TSGA10: variants seen among roughly 807,000 people sequenced by gnomAD.
The protein encoded by TSGA10 is testis specific 10.
In TSGA10, 43 loss-of-function variants were observed where a neutral mutation model predicts 96.6. The observed-to-expected ratio is 0.44, with a 90% confidence interval of 0.35 to 0.57. The LOEUF (loss-of-function observed/expected upper bound fraction) is 0.57. TSGA10 is among the 20% of genes least tolerant of loss of function. The pLI is 0.01. For missense variants in TSGA10, 703 were observed against 834.4 expected (o/e 0.84, Z 1.94); for synonymous variants, 229 against 269.9 (o/e 0.85, Z 1.48).
At chr2:99,105,092 A>G (rs1169615275) in intron 9 of TSGA10, among the ~76,000 whole-genome samples, 3 of 152,202 alleles carry the variant, frequency 2.0e-5, no homozygotes, top group Non-Finnish European at 2.9e-5. Context: ...GAGAAAGTAG[A>G]TAAGATCCCT....
intron 1 of TSGA10, chr2:99,142,284 G>A (rs2093575097): frequency 6.6e-6 from 1 of 152,176 alleles, no homozygotes; most frequent in South Asian, 2.1e-4. Context: ...TTTTCCTGCA[G>A]ATGACATAGA....
At chr2:99,070,700 C>A (rs112528926) in intron 14 of TSGA10, among the ~76,000 whole-genome samples, 25 of 152,168 alleles carry the variant, frequency 1.6e-4, no homozygotes, top group African/African-American at 5.3e-4. Flanking sequence ...AAAGAGTACA[C>A]AAAGGCAAAC....
rs144539526 is a variant in TSGA10 at position 99,093,685 on chromosome 2, T to C, written c.611+10282A>G. Among the ~76,000 whole-genome samples the C allele has an allele frequency of 6.7e-3, 1,009 of 151,358 alleles. 13 individuals carry two copies. The highest frequency in any genetic ancestry group is 0.024 in the African/African-American group (974 of 41,330). On this transcript the variant is annotated intron_variant, in intron 10 of 20. Transcript: ENST00000393483. ...AGAAAAAAAAAACAACTTGGGAGTATACCTAACCAAGGAGGTGAAAGATCT... is the reference window on the plus strand; with the variant it reads ...AGAAAAAAAAAACAACTTGGGAGTACACCTAACCAAGGAGGTGAAAGATCT...
intron 1 of TSGA10, among the ~76,000 whole-genome samples, chr2:99,138,671 G>A (rs534077882): frequency 3.3e-5 from 5 of 152,286 alleles, no homozygotes; most frequent in Admixed American, 6.5e-5. Context: ...TTGTGGAAAC[G>A]TCATTATGGG....
intron 4 of TSGA10, among the ~76,000 whole-genome samples, chr2:99,116,474 A>G (rs913445451): frequency 1.3e-5 from 2 of 152,240 alleles, no homozygotes; most frequent in East Asian, 3.8e-4. Context: ...AAAGTCACAG[A>G]TATCTGAGAA....
intron 16 of TSGA10, among the ~76,000 whole-genome samples, chr2:99,056,098 G>A (rs968744434): frequency 2.0e-5 from 3 of 151,636 alleles, no homozygotes; most frequent in Non-Finnish European, 2.9e-5. Context: ...CCAGGTACTC[G>A]CGAGGCTGAG....
At chr2:99,024,818 T>C (rs892100872) in intron 17 of TSGA10, among the ~76,000 whole-genome samples, 3 of 152,218 alleles carry the variant, frequency 2.0e-5, no homozygotes, top group Non-Finnish European at 4.4e-5. Flanking sequence ...AAAGTTTCTA[T>C]TTCTAGTTTA....
chr2:99,126,259 A>C (rs2092816681), intron 2 of TSGA10: 1 of 152,338 alleles, frequency 6.6e-6, no homozygotes, highest in South Asian at 2.1e-4. Flanking sequence ...ATTTGCTTGG[A>C]GTGGATAGTT....
intron 1 of TSGA10, chr2:99,150,463 A>AC: frequency 8.9e-7 from 1 of 1,119,338 alleles, no homozygotes; most frequent in Non-Finnish European, 1.3e-6. Flanking sequence ...TTCACTTGTT[A>AC]CTTTTTTTTT....
chr2:99,151,982 G>T (rs1426604630), intron 1 of TSGA10, among the ~76,000 whole-genome samples: 2 of 152,132 alleles, frequency 1.3e-5, no homozygotes, highest in African/African-American at 4.8e-5. Context: ...AGGGAATATT[G>T]AGAGTGAAAA....
chr2:99,038,800 T>C (rs1036578364), intron 16 of TSGA10, among the ~76,000 whole-genome samples: 2 of 152,248 alleles, frequency 1.3e-5, no homozygotes, highest in South Asian at 4.1e-4. Context: ...TTCACAGATA[T>C]TTACAGAACA....
Position 99,021,905 on chromosome 2 carries a change from G to A in TSGA10, c.1615-1423C>T, listed in dbSNP as rs756023540. 3.3e-5 allele frequency among the ~76,000 whole-genome samples: 5 copies of A among 152,150 alleles called. 1 individual carries two copies. Among genetic ancestry groups the A allele is most frequent in the Admixed American group, 3.3e-4 (5 of 15,272 alleles). On this transcript the variant is annotated intron_variant, in intron 17 of 20. Coordinates refer to ENST00000393483, the MANE Select transcript of TSGA10 (RefSeq NM_025244.4). Reference sequence around the variant, plus strand: ...ACTTTGCTGGCAGGAGTAGAAAATGGACCGTGATTTTTTTGACAATAGCTT... The same window carrying A: ...ACTTTGCTGGCAGGAGTAGAAAATGAACCGTGATTTTTTTGACAATAGCTT...
At chr2:99,005,267 A>G (rs977747323) in intron 20 of TSGA10, among the ~76,000 whole-genome samples, 1 of 152,198 alleles carries the variant, frequency 6.6e-6, no homozygotes, top group Non-Finnish European at 1.5e-5. Context: ...CTCTTATTCA[A>G]CATTCTGTTG....
rs377353463 is a variant in TSGA10 at position 99,030,625 on chromosome 2, T to C, written c.1614+4605A>G. On this transcript the variant is annotated intron_variant, in intron 17 of 20. Coordinates refer to ENST00000393483, the MANE Select transcript of TSGA10 (RefSeq NM_025244.4). ...GTGTGCCACTGCACTCCAGCCTGGG[T>C]GACAGAGTGAGACCCAATCTCTAAA... Among the ~76,000 whole-genome samples the C allele has an allele frequency of 7.2e-5, 11 of 151,994 alleles. No homozygotes were observed. The East Asian group carries it at 9.7e-4, about 13-fold the overall frequency.
intron 15 of TSGA10, among the ~76,000 whole-genome samples, chr2:99,066,520 C>CA (rs912481945): frequency 5.3e-5 from 8 of 152,122 alleles, no homozygotes; most frequent in Admixed American, 2.6e-4. Context: ...TCCCTGATAA[C>CA]ACCTTGTATT....
intron 17 of TSGA10, among the ~76,000 whole-genome samples, chr2:99,023,886 C>T (rs2080280646): frequency 1.3e-5 from 2 of 152,100 alleles, no homozygotes; most frequent in South Asian, 4.1e-4. Context: ...CTTGCACTTC[C>T]ATATGAATTT....
chr2:99,050,993 T>C (rs762190938), intron 16 of TSGA10, among the ~76,000 whole-genome samples: 5 of 152,164 alleles, frequency 3.3e-5, no homozygotes, highest in Non-Finnish European at 7.4e-5. Flanking sequence ...TACAGGTTTA[T>C]AGCCTAGGCA....
intron 1 of TSGA10, among the ~76,000 whole-genome samples, chr2:99,136,915 A>T (rs2093351227): frequency 6.6e-6 from 1 of 151,410 alleles, no homozygotes; most frequent in Non-Finnish European, 1.5e-5. Flanking sequence ...CTATGAACAT[A>T]TCCCTTCTGG....
chr2:99,027,372 T>C (rs2080710370), intron 17 of TSGA10, among the ~76,000 whole-genome samples: 3 of 151,376 alleles, frequency 2.0e-5, no homozygotes. Context: ...AAACAGAGAG[T>C]AGAATGGTGG....
Sources: gnomAD v4.1 joint callset for allele counts (sites outside exome capture counted in the v4.1 genomes callset) on GRCh38, gnomAD v4.1.1 for gene constraint, MANE v1.5 for transcripts, NCBI Gene and HGNC (gene_info 2026-07-23, HGNC 2026-07-21) for gene names.